SCAF4: variants seen among roughly 807,000 people sequenced by gnomAD.
SCAF4 encodes SR-related and CTD-associated factor 4.
Under a neutral mutation model 129.8 loss-of-function variants are expected in SCAF4, and 25 were observed. The ratio of observed to expected loss-of-function variants is 0.19; its 90% CI spans 0.14 to 0.27. The LOEUF (loss-of-function observed/expected upper bound fraction) is 0.27. SCAF4 is among the 10% of genes least tolerant of loss of function. The pLI is 1.00. For synonymous variants in SCAF4, 551 were observed against 497.7 expected (o/e 1.11, Z -1.43); for missense variants, 1,246 against 1,457.1 (o/e 0.86, Z 2.36).
At chr21:31,729,676 G>A (rs568454405) in intron 1 of SCAF4, among the ~76,000 whole-genome samples, 1 of 152,190 alleles carries the variant, frequency 6.6e-6, no homozygotes, top group Non-Finnish European at 1.5e-5. Flanking sequence ...TTCTCTAGAG[G>A]AGTTTTAATT....
In SCAF4 at chr21:31,702,968, T is replaced by C. The variant is rs78751773; in HGVS notation, c.322-589A>G. 9.7e-4 allele frequency among the ~76,000 whole-genome samples: 148 copies of C among 152,304 alleles called. 2 individuals are homozygous for C. The East Asian group carries it at 0.011, about 12-fold the overall frequency. ...TGTTTATTGTAAATGTCTCCGTTCT[T>C]CATTATTCTGAGTATGTTTACTAGT... On this transcript the variant is annotated intron_variant, in intron 4 of 19. Coordinates refer to ENST00000286835, the MANE Select transcript of SCAF4 (RefSeq NM_020706.2).
chr21:31,706,470 G>A (rs2050665462), intron 1 of SCAF4, 113 bp from the exon 2 acceptor site: 2 of 695,354 alleles, frequency 2.9e-6, no homozygotes, highest in Non-Finnish European at 4.9e-6. Context: ...GGCCGGGGTG[G>A]TGAGGGGGGT....
intron 19 of SCAF4, 45 bp downstream of exon 19, chr21:31,685,004 G>C (rs760312920): frequency 2.7e-6 from 2 of 742,970 alleles, no homozygotes; most frequent in Non-Finnish European, 4.4e-6. Flanking sequence ...GGGGGTGGGG[G>C]GGGGGTGGGG....
At chr21:31,682,281 A>C (rs1235411288) in intron 19 of SCAF4, among the ~76,000 whole-genome samples, 1 of 151,996 alleles carries the variant, frequency 6.6e-6, no homozygotes, top group African/African-American at 2.4e-5. Flanking sequence ...TGGAAGGCTG[A>C]GGCACGAGAA....
At chr21:31,721,538 T>C (rs1271326362) in intron 1 of SCAF4, among the ~76,000 whole-genome samples, 1 of 152,164 alleles carries the variant, frequency 6.6e-6, no homozygotes, top group Non-Finnish European at 1.5e-5. Flanking sequence ...ACTGGGCATA[T>C]TGCAGAGGGA....
In SCAF4 at chr21:31,731,722, C is replaced by G. The variant is rs769342191; in HGVS notation, c.-30G>C. 54 of 1,572,610 alleles carry G rather than the reference C, an allele frequency of 3.4e-5. No individual in the cohort carries two copies. The highest frequency in any genetic ancestry group is 2.6e-4 in the South Asian group (23 of 87,876). On this transcript the variant is annotated 5_prime_UTR_variant, in exon 1 of 20. Coordinates refer to ENST00000286835, the MANE Select transcript of SCAF4 (RefSeq NM_020706.2). ...GCGCTGCGGCGGCGGCTGCTCCGGG[C>G]CCGCCGGTCACATAGACCTCGCGCC...
At position 31,685,469 on chromosome 21, in the gene SCAF4, C is replaced by T. The variant is rs1248558121; in HGVS notation, c.2225G>A (p.Gly742Glu). Reference sequence around the variant, plus strand: ...TGGTGGAGTTATAGGAGGTGGGGGTCCAGGAGGCAGAAAACCTAGAATAAG... The same window carrying T: ...TGGTGGAGTTATAGGAGGTGGGGGTTCAGGAGGCAGAAAACCTAGAATAAG... ...MHLPPGFLPP[G>E]PPPPITPPVS... The change falls in exon 18 of 20, where the codon GGA (glycine) becomes GAA (glutamate). Residue 742 changes from glycine (G) to glutamate (E), a missense_variant. Coordinates refer to ENST00000286835, the MANE Select transcript of SCAF4 (RefSeq NM_020706.2). The T allele has an allele frequency of 6.2e-7, 1 of 1,613,206 alleles. No individual in the cohort carries two copies. Among genetic ancestry groups the T allele is most frequent in the Non-Finnish European group, 8.5e-7 (1 of 1,179,576 alleles).
In SCAF4 at chr21:31,728,369, A is replaced by G. The variant is rs562124975; in HGVS notation, c.30+3294T>C. Among the ~76,000 whole-genome samples the G allele has an allele frequency of 2.1e-3, 314 of 152,214 alleles. 2 individuals carry two copies. The highest frequency in any genetic ancestry group is 3.4e-3 in the Non-Finnish European group (233 of 68,006). Reference sequence around the variant, plus strand: ...AAACCTCTAAAGACTACTTTACACTAGCTACCTCTTATTTCCTTATCTCCC... The same window carrying G: ...AAACCTCTAAAGACTACTTTACACTGGCTACCTCTTATTTCCTTATCTCCC... On this transcript the variant is annotated intron_variant, in intron 1 of 19. Transcript: ENST00000286835.
At chr21:31,715,722 T>G (rs2050906795) in intron 1 of SCAF4, among the ~76,000 whole-genome samples, 1 of 152,208 alleles carries the variant, frequency 6.6e-6, no homozygotes, top group Non-Finnish European at 1.5e-5. Context: ...CAAGTCAATG[T>G]TTTCTAAAAA....
At chr21:31,684,862 ATTTGAC>A in intron 19 of SCAF4, 181 bp downstream of exon 19, 1 of 582,766 alleles carries the variant, frequency 1.7e-6, no homozygotes, top group South Asian at 2.1e-5. Context: ...AAGTACACAT[ATTTGAC>A]TTTAAGAGGA....
rs1256874802 is a variant in SCAF4, at chr21:31,671,448, G to A, written c.3395C>T (p.Ser1132Phe). The change falls in exon 20 of 20, where the codon TCC becomes TTC. Residue 1132 changes from serine (S) to phenylalanine (F), a missense_variant. Physicochemically the swap from Ser to Phe is radical, Grantham distance 155. Transcript: ENST00000286835. ...SEELPAEATS[S>F]VEPEKDSGSA... ...GCCAGAATCCTTTTCGGGTTCAACG[G>A]ATGAGGTAGCCTCAGCAGGTAACTC... is the stretch of plus-strand genomic sequence containing the variant. The A allele has an allele frequency of 6.2e-7, 1 of 1,613,996 alleles. No individual in the cohort carries two copies. The highest frequency in any genetic ancestry group is 8.5e-7 in the Non-Finnish European group (1 of 1,179,990).
Position 31,701,836 on chromosome 21 carries a change from C to T in SCAF4, c.540G>A (p.Leu180=). 6.2e-7 allele frequency: 1 copy of T among 1,613,946 alleles called. No individual in the cohort carries two copies. Among genetic ancestry groups the T allele is most frequent in the Non-Finnish European group, 8.5e-7 (1 of 1,179,964 alleles). Residue 180 remains leucine, a synonymous_variant, in exon 6 of 20, where the codon TTG becomes TTA. Coordinates refer to ENST00000286835, the MANE Select transcript of SCAF4 (RefSeq NM_020706.2). ...TPNSVPAVPQ[L]PSSDAFAAVA... ...CAGCAGCAAAAGCATCAGAGCTGGGCAACTGTGGTACAGCTGGGACGGAGT... is the reference window on the plus strand; with the variant it reads ...CAGCAGCAAAAGCATCAGAGCTGGGTAACTGTGGTACAGCTGGGACGGAGT...
chr21:31,672,454 C>T, intron 19 of SCAF4, 100 bp from the exon 20 acceptor site: 1 of 955,890 alleles, frequency 1.0e-6, no homozygotes, highest in South Asian at 1.5e-5. Flanking sequence ...ATTCAACCCA[C>T]AATCTTCAAA....
chr21:31,685,040 AT>A lies in SCAF4; in HGVS notation c.2488+8del, dbSNP rs760407498. ...CAAGGAAAACTAATGATAAAAAAAA[AT>A]AACTTACCAAGAAGTGAAACAGGCT... is the stretch of plus-strand genomic sequence containing the variant. On this transcript the variant is annotated splice_region_variant and intron_variant, in intron 19 of 19. Coordinates refer to ENST00000286835, the MANE Select transcript of SCAF4 (RefSeq NM_020706.2). 4 of 1,565,420 alleles carry A rather than the reference AT, an allele frequency of 2.6e-6. No individual in the cohort carries two copies. The African/African-American group carries it at 4.1e-5, about 16-fold the overall frequency.
At chr21:31,727,429 G>A (rs1296734727) in intron 1 of SCAF4, among the ~76,000 whole-genome samples, 2 of 152,178 alleles carry the variant, frequency 1.3e-5, no homozygotes, top group Non-Finnish European at 2.9e-5. Context: ...AAAAAAGTGG[G>A]AGGGGCAAGA....
intron 1 of SCAF4, among the ~76,000 whole-genome samples, chr21:31,722,958 A>G (rs535504674): frequency 1.1e-4 from 17 of 152,324 alleles, no homozygotes; most frequent in African/African-American, 4.1e-4. Context: ...ATCTAAAAAA[A>G]AAGTCATTAC....
rs201406878 is a variant in SCAF4 at position 31,685,151 on chromosome 21, C to T, written c.2386G>A (p.Ala796Thr). ...ATTTTCACGCTGTCACCAGACTCGG[C>T]GTTTCCTCTAGCCCCAGACACCACT... ...PTVVSGARGNAESGDSVKMYG... is the reference protein window; with the variant it reads ...PTVVSGARGNTESGDSVKMYG... Residue 796 changes from alanine to threonine, a missense_variant, in exon 19 of 20, where the codon GCC (alanine) becomes ACC (threonine). By Grantham distance (58) the Ala-to-Thr change is moderately conservative (BLOSUM62 0). Transcript: ENST00000286835. 5.2e-5 allele frequency: 84 copies of T among 1,612,680 alleles called. No homozygotes were observed. The East Asian group carries it at 1.3e-3, about 24-fold the overall frequency.
At chr21:31,712,690 G>A (rs1177791832) in intron 1 of SCAF4, among the ~76,000 whole-genome samples, 2 of 151,884 alleles carry the variant, frequency 1.3e-5, no homozygotes, top group East Asian at 3.9e-4. Context: ...CACCATGCCT[G>A]GCTAATGTTT....
chr21:31,685,096 G>C lies in SCAF4; in HGVS notation c.2441C>G (p.Pro814Arg), dbSNP rs1459642313. 6.2e-7 allele frequency: 1 copy of C among 1,613,172 alleles called. No homozygotes were observed. Residue 814 changes from proline to arginine, a missense_variant, in exon 19 of 20, where the codon CCC becomes CGC. Physicochemically the swap from Pro to Arg is moderately radical, Grantham distance 103 (BLOSUM62 -2). Coordinates refer to ENST00000286835, the MANE Select transcript of SCAF4 (RefSeq NM_020706.2). ...MYGSAVPPAA[P>R]TNLPTPPVTQ... ...TACAGGAGGGGTGGGCAGATTCGTG[G>C]GTGCAGCAGGTGGCACGGCAGAGCC...
Sources: allele counts gnomAD v4.1 joint callset (sites outside exome capture counted in the v4.1 genomes callset), GRCh38; gene constraint gnomAD v4.1.1; transcripts MANE v1.5; gene names NCBI Gene and HGNC (gene_info 2026-07-23, HGNC 2026-07-21).